Variants in GABRA2 observed in about 807,000 individuals in gnomAD.
GABRA2 encodes the protein gamma-aminobutyric acid type A receptor subunit alpha2.
GABRA2 carries 16 observed loss-of-function variants against 48.7 expected under a neutral mutation model. The ratio of observed to expected loss-of-function variants is 0.33; its 90% CI spans 0.22 to 0.50. The LOEUF is 0.50. Among genes scored for constraint, GABRA2 ranks in the 20% least tolerant of loss-of-function variants. The pLI, the probability that GABRA2 is intolerant of heterozygous loss-of-function variation, is 0.98. For missense variants in GABRA2, 275 were observed against 535.6 expected (o/e 0.51, Z 4.80); for synonymous variants, 185 against 184.5 (o/e 1.00, Z -0.02).
chr4:46,358,758 C>A (rs1578162971), intron 3 of GABRA2, among the ~76,000 whole-genome samples: 1 of 152,110 alleles, frequency 6.6e-6, no homozygotes, highest in Admixed American at 6.6e-5. Context: ...TATCTCTGAG[C>A]AATCTTCTAT....
chr4:46,313,952 T>C (rs1464615134), intron 4 of GABRA2, among the ~76,000 whole-genome samples: 1 of 152,116 alleles, frequency 6.6e-6, no homozygotes, highest in Non-Finnish European at 1.5e-5. Context: ...ATCCCAGTGA[T>C]CCCTCAAAAC....
Position 46,287,281 on chromosome 4 carries a change from C to T in GABRA2, c.856+16179G>A, listed in dbSNP as rs561343131. On this transcript the variant is annotated intron_variant, in intron 8 of 9. Coordinates refer to ENST00000381620, the MANE Select transcript of GABRA2 (RefSeq NM_000807.4). ...CAGTTGGCAGGTAGCGTGATTCCTCCAGCTTTGTTCTTGTTTAGGATTTAC... is the reference window on the plus strand; with the variant it reads ...CAGTTGGCAGGTAGCGTGATTCCTCTAGCTTTGTTCTTGTTTAGGATTTAC... Among the ~76,000 whole-genome samples, 17 of 126,624 alleles carry T rather than the reference C, an allele frequency of 1.3e-4. No homozygotes were observed. The South Asian group carries it at 3.8e-3, about 28-fold the overall frequency. 83.1% of individuals were successfully genotyped at this position (126,624 alleles called of 152,430 possible).
At chr4:46,298,050 C>A (rs1725071851) in intron 8 of GABRA2, among the ~76,000 whole-genome samples, 1 of 152,036 alleles carries the variant, frequency 6.6e-6, no homozygotes, top group African/African-American at 2.4e-5. Context: ...TTCCAGTTTT[C>A]ATTCTACAGT....
At chr4:46,264,869 G>A (rs2109364124) in intron 8 of GABRA2, among the ~76,000 whole-genome samples, 1 of 151,386 alleles carries the variant, frequency 6.6e-6, no homozygotes, top group East Asian at 2.0e-4. Context: ...ATTTGTTAAA[G>A]GTTTACTCAG....
chr4:46,302,413 A>G (rs1207364768), intron 8 of GABRA2: 3 of 152,194 alleles, frequency 2.0e-5, no homozygotes, highest in Non-Finnish European at 4.4e-5. Context: ...CAAAACCAAA[A>G]TAAACATATA....
rs117406944 is a variant in GABRA2 at position 46,295,805 on chromosome 4, A to T, written c.856+7655T>A. 6.0e-3 allele frequency among the ~76,000 whole-genome samples: 919 copies of T among 152,258 alleles called. 10 individuals are homozygous for T. The highest frequency in any genetic ancestry group is 0.056 in the East Asian group (291 of 5,174). ...ATGGAAAGGGCAGATGTTTGTTCTC[A>T]CTTGAATGGACACTTATGCCGGATA... is the stretch of plus-strand genomic sequence containing the variant. On this transcript the variant is annotated intron_variant, in intron 8 of 9. Coordinates refer to ENST00000381620, the MANE Select transcript of GABRA2 (RefSeq NM_000807.4).
chr4:46,309,551 A>G lies in GABRA2; in HGVS notation c.559+622T>C, dbSNP rs147789408. On this transcript the variant is annotated intron_variant, in intron 6 of 9. Coordinates refer to ENST00000381620, the MANE Select transcript of GABRA2 (RefSeq NM_000807.4). ...GATGATTTGACCTTCCTCCTTTTCA[A>G]TTATTCTGGAAGAATGAATGCTTCT... Among the ~76,000 whole-genome samples the G allele has an allele frequency of 2.0e-5, 3 of 151,986 alleles. No individual in the cohort carries two copies. In the East Asian group the frequency reaches 5.8e-4, roughly 30 times the overall value.
intron 3 of GABRA2, among the ~76,000 whole-genome samples, chr4:46,339,564 A>G (rs984715132): frequency 6.6e-5 from 10 of 151,904 alleles, no homozygotes; most frequent in African/African-American, 9.7e-5. Context: ...TTATAGCCTA[A>G]CAAAGAGAGA....
chr4:46,270,836 A>T (rs950664355), intron 8 of GABRA2, among the ~76,000 whole-genome samples: 2 of 151,916 alleles, frequency 1.3e-5, no homozygotes, highest in African/African-American at 4.8e-5. Context: ...ATACACGCTG[A>T]GAAGAAAGTC....
intron 7 of GABRA2, 30 bp downstream of exon 7, chr4:46,305,538 C>T (rs1053102523): frequency 1.2e-6 from 2 of 1,601,314 alleles, no homozygotes; most frequent in Non-Finnish European, 1.7e-6. Context: ...TTCTTAGGCA[C>T]CAGCTTTTTT....
chr4:46,378,232 GAA>G (rs936606802), intron 3 of GABRA2, among the ~76,000 whole-genome samples: 3 of 152,204 alleles, frequency 2.0e-5, no homozygotes, highest in Admixed American at 2.0e-4. Context: ...GAAGGGTGGG[GAA>G]AAGACTGAGA....
chr4:46,299,765 T>C (rs964412551), intron 8 of GABRA2, among the ~76,000 whole-genome samples: 8 of 151,504 alleles, frequency 5.3e-5, no homozygotes, highest in South Asian at 4.2e-4. Context: ...TCTATAGATA[T>C]GTTCAATTTC....
In GABRA2 at chr4:46,262,097, T is replaced by C; in HGVS notation, c.888A>G (p.Leu296=). ...GVTTVLTMTT[L]SISARNSLPK... is the part of the protein sequence containing the mutation. ...GGAGAGAATTCCGAGCACTGATGCT[T>C]AGAGTTGTCATTGTTAGGACAGTTG... Residue 296 remains leucine (L), a synonymous_variant, in exon 9 of 10, where the codon CTA becomes CTG. Coordinates refer to ENST00000381620, the MANE Select transcript of GABRA2 (RefSeq NM_000807.4). 1 of 1,613,718 alleles carries C rather than the reference T, an allele frequency of 6.2e-7. No individual in the cohort carries two copies. The highest frequency in any genetic ancestry group is 8.5e-7 in the Non-Finnish European group (1 of 1,179,820).
At chr4:46,353,028 T>C (rs1735396317) in intron 3 of GABRA2, among the ~76,000 whole-genome samples, 1 of 152,140 alleles carries the variant, frequency 6.6e-6, no homozygotes, top group South Asian at 2.1e-4. Flanking sequence ...GTGCATATCA[T>C]TTTTAATAAG....
intron 3 of GABRA2, among the ~76,000 whole-genome samples, chr4:46,358,662 T>A (rs1712612210): frequency 6.6e-6 from 1 of 152,190 alleles, no homozygotes; most frequent in African/African-American, 2.4e-5. Context: ...TGTATAGAAA[T>A]GGTTGAACTA....
chr4:46,333,952 G>T (rs1201215819), intron 3 of GABRA2, among the ~76,000 whole-genome samples: 2 of 151,984 alleles, frequency 1.3e-5, no homozygotes, highest in Non-Finnish European at 1.5e-5. Flanking sequence ...CTTATTAAAT[G>T]CATGTTTCTA....
intron 8 of GABRA2, among the ~76,000 whole-genome samples, chr4:46,302,273 CT>C (rs1403471686): frequency 3.9e-5 from 6 of 152,032 alleles, no homozygotes; most frequent in African/African-American, 1.4e-4. Flanking sequence ...ATTGCCCAGA[CT>C]GGTCTCCAAC....
At chr4:46,280,762 G>A (rs1721381649) in intron 8 of GABRA2, among the ~76,000 whole-genome samples, 1 of 152,140 alleles carries the variant, frequency 6.6e-6, no homozygotes, top group African/African-American at 2.4e-5. Context: ...AAGTACTTGA[G>A]GTTAAACATG....
intron 9 of GABRA2, among the ~76,000 whole-genome samples, chr4:46,254,924 ATAAT>A (rs996260450): frequency 6.6e-6 from 1 of 151,524 alleles, no homozygotes; most frequent in Non-Finnish European, 1.5e-5. Context: ...GTCAGAACTG[ATAAT>A]TAACTCCACA....
Sources: allele counts gnomAD v4.1 joint callset (sites outside exome capture counted in the v4.1 genomes callset), GRCh38; gene constraint gnomAD v4.1.1; transcripts MANE v1.5; gene names NCBI Gene and HGNC (gene_info 2026-07-23, HGNC 2026-07-21).